The following BMPER variants were observed in gnomAD, a reference collection of about 807,000 sequenced individuals.
BMPER encodes BMP-binding endothelial regulator protein.
A neutral mutation model predicts 87.3 loss-of-function variants in BMPER; 45 were observed. The observed-to-expected ratio is 0.52, with a 90% CI of 0.41 to 0.66. The LOEUF (loss-of-function observed/expected upper bound fraction) is 0.66. Ranked by LOEUF, BMPER falls within the 30% of genes least tolerant of loss-of-function variation. BMPER has a pLI of 0.00. For synonymous variants in BMPER, 326 were observed against 316.2 expected, an observed-to-expected ratio of 1.03 and a Z score of -0.33; for missense variants, 784 against 867.5, an observed-to-expected ratio of 0.90 and a Z score of 1.21.
At chr7:34,096,908 G>A (rs1254076872) in intron 13 of BMPER, among the ~76,000 whole-genome samples, 1 of 152,192 alleles carries the variant, frequency 6.6e-6, no homozygotes, top group Non-Finnish European at 1.5e-5. Flanking sequence ...GTGATTGATT[G>A]ATTAAATAAG....
At chr7:33,987,626 A>T (rs1267347197) in intron 6 of BMPER, among the ~76,000 whole-genome samples, 1 of 151,894 alleles carries the variant, frequency 6.6e-6, no homozygotes, top group African/African-American at 2.4e-5. Context: ...GGTATAAGTG[A>T]CCAGGAGTCA....
chr7:33,908,394 T>G (rs1432663615), intron 2 of BMPER, among the ~76,000 whole-genome samples: 1 of 152,234 alleles, frequency 6.6e-6, no homozygotes, highest in Non-Finnish European at 1.5e-5. Context: ...GTATGTAGTT[T>G]GAGTTTTGTA....
chr7:34,106,764 T>A (rs1437377019), intron 13 of BMPER, among the ~76,000 whole-genome samples: 1 of 152,250 alleles, frequency 6.6e-6, no homozygotes, highest in Non-Finnish European at 1.5e-5. Context: ...ACTCTCTACC[T>A]TGCCTACCTG....
At chr7:34,003,032 G>C (rs182656603) in intron 6 of BMPER, among the ~76,000 whole-genome samples, 1 of 151,584 alleles carries the variant, frequency 6.6e-6, no homozygotes, top group Non-Finnish European at 1.5e-5. Flanking sequence ...TGATAAGATA[G>C]GATTTTTATC....
intron 6 of BMPER, among the ~76,000 whole-genome samples, chr7:34,031,913 TATATATATATATATACACAC>T (rs1437484778): frequency 6.8e-4 from 84 of 124,324 alleles, no homozygotes; most frequent in African/African-American, 2.5e-3. Flanking sequence ...TATATATATA[TATATATATATATATACACAC>T]ACACACACAC....
intron 6 of BMPER, among the ~76,000 whole-genome samples, chr7:34,008,031 G>A (rs776845619): frequency 5.9e-5 from 9 of 151,786 alleles, no homozygotes; most frequent in Non-Finnish European, 8.8e-5. Context: ...GTTTTAATTT[G>A]ATTTTATCTT....
At chr7:34,007,087 A>G (rs965878067) in intron 6 of BMPER, among the ~76,000 whole-genome samples, 9 of 152,100 alleles carry the variant, frequency 5.9e-5, no homozygotes, top group African/African-American at 1.9e-4. Flanking sequence ...TTGCCTTCCC[A>G]TAACTAATTC....
intron 6 of BMPER, among the ~76,000 whole-genome samples, chr7:34,000,404 G>A (rs1300953307): frequency 1.3e-5 from 2 of 152,028 alleles, no homozygotes; most frequent in East Asian, 1.9e-4. Context: ...AAATTTGAAG[G>A]TTGACTATAT....
At position 34,058,040 on chromosome 7, in the gene BMPER, C is replaced by G. The variant is rs1788330316; in HGVS notation, c.928-19C>G. ...GTCAGCCTCCAGCTGCTGACAGGATCCTGTGCCCTCTCTTGTAGGATGGAG... is the reference window on the plus strand; with the variant it reads ...GTCAGCCTCCAGCTGCTGACAGGATGCTGTGCCCTCTCTTGTAGGATGGAG... On this transcript the variant is annotated intron_variant, in intron 9 of 14. Coordinates refer to ENST00000649409, the MANE Select transcript of BMPER (RefSeq NM_001365308.1). 1 of 1,609,776 alleles carries G rather than the reference C, an allele frequency of 6.2e-7. No homozygotes were observed. Among genetic ancestry groups the G allele is most frequent in the Non-Finnish European group, 8.5e-7 (1 of 1,176,116 alleles).
intron 11 of BMPER, among the ~76,000 whole-genome samples, chr7:34,070,592 C>T (rs746897716): frequency 5.3e-5 from 8 of 152,198 alleles, no homozygotes; most frequent in Middle Eastern, 3.4e-3. Context: ...CCTTCCCTTG[C>T]GGTTTCCCAG....
At chr7:34,096,765 A>G (rs1010442158) in intron 13 of BMPER, among the ~76,000 whole-genome samples, 68 of 152,286 alleles carry the variant, frequency 4.5e-4, no homozygotes, top group African/African-American at 1.6e-3. Context: ...AAATTATACT[A>G]GTGTATCCAA....
intron 6 of BMPER, among the ~76,000 whole-genome samples, chr7:34,023,084 G>A (rs1423536997): frequency 6.6e-6 from 1 of 152,026 alleles, no homozygotes; most frequent in East Asian, 1.9e-4. Flanking sequence ...CATGAAAGTG[G>A]CATCGTTTTG....
intron 6 of BMPER, among the ~76,000 whole-genome samples, chr7:33,997,484 C>G (rs1480058216): frequency 6.6e-6 from 1 of 152,090 alleles, no homozygotes; most frequent in Non-Finnish European, 1.5e-5. Context: ...TGGCGCTTCC[C>G]TCTTCATGCT....
At position 33,941,008 on chromosome 7, in the gene BMPER, TGTA is replaced by T. The variant is rs1784744797; in HGVS notation, c.319+3621_319+3623del. On this transcript the variant is annotated intron_variant, in intron 3 of 14. Coordinates refer to ENST00000649409, the MANE Select transcript of BMPER (RefSeq NM_001365308.1). ...ATTATATATTTATATATAATTTATATGTAATATATTTACATATAATTTATATAT... is the reference window on the plus strand; with the variant it reads ...ATTATATATTTATATATAATTTATATATATATTTACATATAATTTATATAT... Among the ~76,000 whole-genome samples the T allele has an allele frequency of 3.7e-5, 5 of 135,796 alleles. No homozygotes were observed. In the Admixed American group the frequency reaches 4.0e-4, roughly 11 times the overall value. The allele number at this position is 135,796 out of a possible 152,430, so 89.1% of individuals were successfully genotyped here.
intron 13 of BMPER, among the ~76,000 whole-genome samples, chr7:34,116,124 A>G (rs760140890): frequency 6.6e-6 from 1 of 152,250 alleles, no homozygotes; most frequent in Non-Finnish European, 1.5e-5. Flanking sequence ...TAAATAACTC[A>G]TTCCCTTTTA....
chr7:34,122,373 C>A (rs1790285123), intron 13 of BMPER, among the ~76,000 whole-genome samples: 1 of 152,210 alleles, frequency 6.6e-6, no homozygotes, highest in Non-Finnish European at 1.5e-5. Context: ...ACATTCAAAT[C>A]ATCTGAGATC....
At chr7:34,126,793 A>G (rs1222666892) in intron 13 of BMPER, among the ~76,000 whole-genome samples, 2 of 152,222 alleles carry the variant, frequency 1.3e-5, no homozygotes, top group Non-Finnish European at 2.9e-5. Context: ...TAACTGCCCC[A>G]GTATTATATA....
At chr7:34,077,950 A>C (rs965608957) in intron 11 of BMPER, among the ~76,000 whole-genome samples, 3 of 152,054 alleles carry the variant, frequency 2.0e-5, no homozygotes, top group Non-Finnish European at 4.4e-5. Context: ...ACTATCTCTA[A>C]ATGGATTCCT....
At chr7:34,038,336 G>A (rs1375475320) in intron 6 of BMPER, among the ~76,000 whole-genome samples, 2 of 152,112 alleles carry the variant, frequency 1.3e-5, no homozygotes, top group African/African-American at 2.4e-5. Flanking sequence ...TGGAGGAGGG[G>A]GCCATCAGCC....
Sources: gnomAD v4.1 joint callset for allele counts (sites outside exome capture counted in the v4.1 genomes callset) on GRCh38, gnomAD v4.1.1 for gene constraint, MANE v1.5 for transcripts, NCBI Gene and HGNC (gene_info 2026-07-23, HGNC 2026-07-21) for gene names.